PPARA: variants seen among roughly 807,000 people sequenced by gnomAD.
PPARA encodes peroxisome proliferator-activated receptor alpha.
PPARA carries 22 observed loss-of-function variants against 42.2 expected under a neutral mutation model. The observed-to-expected ratio is 0.52, with a 90% CI of 0.37 to 0.74. PPARA has a LOEUF of 0.74. Ranked by LOEUF, PPARA falls within the 30% of genes least tolerant of loss-of-function variation. The probability of loss-of-function intolerance (pLI) is 0.00; values close to 1 mark genes in which losing one functional copy is unlikely to be tolerated. For missense variants in PPARA, 465 were observed against 608.2 expected (o/e 0.76, Z 2.48); for synonymous variants, 242 against 239.3 (o/e 1.01, Z -0.10).
rs995687517 is a variant in PPARA at position 46,243,437 on chromosome 22, G to C, written c.*8057G>C. On this transcript the variant is annotated 3_prime_UTR_variant, in exon 9 of 9. Transcript: ENST00000407236. The surrounding 1 kb of genome is among the most constrained non-coding windows in gnomAD (Gnocchi z 5.0). ...TCCAACTTCATACCTCTCTCCTGGT[G>C]GGGGGAGCGGGCATCCAGGACCTCC... 8 of 152,068 alleles carry C rather than the reference G, an allele frequency of 5.3e-5. No homozygotes were observed. The highest frequency in any genetic ancestry group is 2.1e-4 in the South Asian group (1 of 4,832). The allele number at this position is 152,068 out of a possible 1,614,324, so 9.4% of individuals were successfully genotyped here.
rs535831767 is a variant in PPARA at position 46,176,574 on chromosome 22, AT to A, written c.-126-176del. ...CTCTGTATGGCTTCAATTCTTTTAAATTTGTTGAGGTTTGTTTAATGGTCAA... is the reference window on the plus strand; with the variant it reads ...CTCTGTATGGCTTCAATTCTTTTAAATTGTTGAGGTTTGTTTAATGGTCAA... On this transcript the variant is annotated intron_variant, in intron 2 of 8. Coordinates refer to ENST00000407236, the MANE Select transcript of PPARA (RefSeq NM_005036.6). 1.0e-3 allele frequency among the ~76,000 whole-genome samples: 157 copies of A among 152,274 alleles called. 1 individual carries two copies. The highest frequency in any genetic ancestry group is 3.6e-3 in the African/African-American group (150 of 41,556).
rs201855226 is a variant in PPARA, at chr22:46,208,946, CT to C, written c.209-6224del. ...TGTGTGTGTGTGTGTATCACATTTT[CT>C]TTATCTCTTCGTTCATTAATGATCA... On this transcript the variant is annotated intron_variant, in intron 4 of 8. Coordinates refer to ENST00000407236, the MANE Select transcript of PPARA (RefSeq NM_005036.6). Among the ~76,000 whole-genome samples the C allele has an allele frequency of 9.9e-3, 1,502 of 151,520 alleles. 22 individuals are homozygous for C. Among genetic ancestry groups the C allele is most frequent in the African/African-American group, 0.034 (1,420 of 41,304 alleles).
rs1342601415 is a variant in PPARA at position 46,222,181 on chromosome 22, C to T, written c.711+2167C>T. Among the ~76,000 whole-genome samples the T allele has an allele frequency of 6.6e-6, 1 of 152,090 alleles. No individual in the cohort carries two copies. Among genetic ancestry groups the T allele is most frequent in the African/African-American group, 2.4e-5 (1 of 41,418 alleles). On this transcript the variant is annotated intron_variant, in intron 7 of 8. Transcript: ENST00000407236. This position sits in a 1 kb window ranked among gnomAD's most constrained non-coding sequence, Gnocchi z 5.9. ...GGCAGCCAAATTGCCCCTCATGGTTCGTCCCCCACATCCCCGCCTGCCTGG... is the reference window on the plus strand; with the variant it reads ...GGCAGCCAAATTGCCCCTCATGGTTTGTCCCCCACATCCCCGCCTGCCTGG...
intron 3 of PPARA, among the ~76,000 whole-genome samples, chr22:46,197,633 G>A (rs1232529180): frequency 1.3e-5 from 2 of 152,076 alleles, no homozygotes; most frequent in Non-Finnish European, 2.9e-5. Context: ...CAGGCGCAGT[G>A]GCTCACACCT....
chr22:46,197,134 C>A (rs1216224006), intron 3 of PPARA, among the ~76,000 whole-genome samples: 1 of 151,928 alleles, frequency 6.6e-6, no homozygotes, highest in Non-Finnish European at 1.5e-5. Context: ...ACTGCAACCT[C>A]CACCTCCCAG....
rs907414539 is a variant in PPARA at position 46,233,350 on chromosome 22, G to C, written c.1159+1111G>C. Among the ~76,000 whole-genome samples the C allele has an allele frequency of 2.0e-5, 3 of 152,140 alleles. No homozygotes were observed. Among genetic ancestry groups the C allele is most frequent in the African/African-American group, 7.2e-5 (3 of 41,416 alleles). On this transcript the variant is annotated intron_variant, in intron 8 of 8. Coordinates refer to ENST00000407236, the MANE Select transcript of PPARA (RefSeq NM_005036.6). The surrounding 1 kb of genome is among the most constrained non-coding windows in gnomAD (Gnocchi z 7.3). ...CTCCACATTTTTGGCTCGGTGTCAC[G>C]TTCCTTTAAATAGCCCCATCTCAGG...
chr22:46,206,248 T>G (rs1933289677), intron 4 of PPARA, among the ~76,000 whole-genome samples: 1 of 151,280 alleles, frequency 6.6e-6, no homozygotes, highest in Non-Finnish European at 1.5e-5. Context: ...ATCAGAGGCA[T>G]GCACCACCAC....
chr22:46,154,012 CT>C (rs1226011174), intron 2 of PPARA, among the ~76,000 whole-genome samples: 2 of 152,142 alleles, frequency 1.3e-5, no homozygotes, highest in Non-Finnish European at 2.9e-5. Context: ...TTTGAAATGT[CT>C]ATATAATATC....
chr22:46,165,194 C>A lies in PPARA; in HGVS notation c.-126-11559C>A, dbSNP rs1358310713. On this transcript the variant is annotated intron_variant, in intron 2 of 8. Transcript: ENST00000407236. The surrounding 1 kb of genome is among the most constrained non-coding windows in gnomAD (Gnocchi z 5.5). ...GGGACTACAGGCGCCTGCCACCACACCTGGCTAATTTTTGTATTTTTAGTA... is the reference window on the plus strand; with the variant it reads ...GGGACTACAGGCGCCTGCCACCACAACTGGCTAATTTTTGTATTTTTAGTA... 1.3e-5 allele frequency: 2 copies of A among 152,206 alleles called. No homozygotes were observed. Among genetic ancestry groups the A allele is most frequent in the African/African-American group, 4.8e-5 (2 of 41,428 alleles). 9.4% of individuals were successfully genotyped at this position (152,206 alleles called of 1,614,324 possible).
rs901554756 is a variant in PPARA, at chr22:46,241,469, G to C, written c.*6089G>C. ...TACGCTATTTCTGTGAAATGCAGCA[G>C]GTTCTTAAACGTTATTTCAGTGGCA... is the stretch of plus-strand genomic sequence containing the variant. On this transcript the variant is annotated 3_prime_UTR_variant, in exon 9 of 9. Transcript: ENST00000407236. This position sits in a 1 kb window ranked among gnomAD's most constrained non-coding sequence, Gnocchi z 5.7. 1 of 152,176 alleles carries C rather than the reference G, an allele frequency of 6.6e-6. No homozygotes were observed. The highest frequency in any genetic ancestry group is 2.4e-5 in the African/African-American group (1 of 41,426). The allele number at this position is 152,176 out of a possible 1,614,324, so 9.4% of individuals were successfully genotyped here. A position where few individuals can be genotyped will look rare whatever the true frequency, so the allele number is the denominator to read the frequency against.
intron 7 of PPARA, among the ~76,000 whole-genome samples, chr22:46,226,496 A>G (rs2147654101): frequency 6.6e-6 from 1 of 152,326 alleles, no homozygotes; most frequent in East Asian, 1.9e-4. Flanking sequence ...TTATTTTTTC[A>G]AAGATTCTCC....
intron 3 of PPARA, among the ~76,000 whole-genome samples, chr22:46,198,133 G>C (rs540213692): frequency 8.2e-5 from 12 of 146,112 alleles, no homozygotes; most frequent in African/African-American, 3.0e-4. Flanking sequence ...AGCTACTCAG[G>C]AGACTGAGGC....
chr22:46,196,230 C>G lies in PPARA; in HGVS notation c.-42-2112C>G, dbSNP rs1244364320. Among the ~76,000 whole-genome samples the G allele has an allele frequency of 6.6e-6, 1 of 152,188 alleles. No individual in the cohort carries two copies. Among genetic ancestry groups the G allele is most frequent in the Non-Finnish European group, 1.5e-5 (1 of 68,046 alleles). On this transcript the variant is annotated intron_variant, in intron 3 of 8. Coordinates refer to ENST00000407236, the MANE Select transcript of PPARA (RefSeq NM_005036.6). This position sits in a 1 kb window ranked among gnomAD's most constrained non-coding sequence, Gnocchi z 5.6. ...AAGAACCGCTGCTTTGTCACTTATA[C>G]CCCTATGGAAATGCCGTTCGCTTTG...
In PPARA at chr22:46,242,747, A is replaced by G. The variant is rs1936409914; in HGVS notation, c.*7367A>G. The G allele has an allele frequency of 6.6e-6, 1 of 152,322 alleles. No homozygotes were observed. The highest frequency in any genetic ancestry group is 6.5e-5 in the Admixed American group (1 of 15,270). The allele number at this position is 152,322 out of a possible 1,614,324, so 9.4% of individuals were successfully genotyped here. ...CGTGTGCGTGCACACACACACACAC[A>G]CACACACACACACAGCTCTTCATTT... On this transcript the variant is annotated 3_prime_UTR_variant, in exon 9 of 9. Coordinates refer to ENST00000407236, the MANE Select transcript of PPARA (RefSeq NM_005036.6). This position sits in a 1 kb window ranked among gnomAD's most constrained non-coding sequence, Gnocchi z 6.1.
At chr22:46,217,066 C>T (rs1022870726) in intron 5 of PPARA, among the ~76,000 whole-genome samples, 5 of 152,194 alleles carry the variant, frequency 3.3e-5, no homozygotes, top group African/African-American at 1.2e-4. Context: ...GCCTGGGCCA[C>T]AGGGAGAACC....
At position 46,212,048 on chromosome 22, in the gene PPARA, C is replaced by CTCTCT. The variant is rs1029043646; in HGVS notation, c.209-3120_209-3116dup. 2.0e-5 allele frequency among the ~76,000 whole-genome samples: 3 copies of CTCTCT among 149,916 alleles called. No homozygotes were observed. The highest frequency in any genetic ancestry group is 7.4e-5 in the African/African-American group (3 of 40,620). The stretch of plus-strand genomic sequence containing the variant: ...TTTTCTTTCTTTCTCTTTCCCTCTC[C>CTCTCT]TCTCTTCTCCTCTCCTCTCCTTTGA... On this transcript the variant is annotated intron_variant, in intron 4 of 8. Transcript: ENST00000407236. The surrounding 1 kb of genome is among the most constrained non-coding windows in gnomAD (Gnocchi z 4.2).
rs577957045 is a variant in PPARA, at chr22:46,239,240, C to G, written c.*3860C>G. On this transcript the variant is annotated 3_prime_UTR_variant, in exon 9 of 9. Transcript: ENST00000407236. ...CTTCCTGGAGCGTTGTCTGGAGGTT[C>G]CAGGGACAGGGCAGCCTCCCAGAGC... The G allele has an allele frequency of 2.0e-5, 3 of 152,232 alleles. No individual in the cohort carries two copies. Among genetic ancestry groups the G allele is most frequent in the African/African-American group, 7.2e-5 (3 of 41,500 alleles). The allele number at this position is 152,232 out of a possible 1,614,324, so 9.4% of individuals were successfully genotyped here. A position where few individuals can be genotyped will look rare whatever the true frequency, so the allele number is the denominator to read the frequency against.
chr22:46,209,667 T>C (rs1933729504), intron 4 of PPARA, among the ~76,000 whole-genome samples: 1 of 152,238 alleles, frequency 6.6e-6, no homozygotes, highest in Non-Finnish European at 1.5e-5. Context: ...TTGGTTCTGT[T>C]TTCACCCATG....
intron 7 of PPARA, among the ~76,000 whole-genome samples, chr22:46,226,328 G>T (rs187867092): frequency 6.6e-6 from 1 of 152,196 alleles, no homozygotes; most frequent in Non-Finnish European, 1.5e-5. Flanking sequence ...GTGGTGTTCA[G>T]TTAAACAACC....
Sources: gnomAD v4.1 joint callset for allele counts (sites outside exome capture counted in the v4.1 genomes callset) on GRCh38, gnomAD v4.1.1 for gene constraint, Gnocchi (gnomAD v3.1) non-coding constraint, MANE v1.5 for transcripts, NCBI Gene and HGNC (gene_info 2026-07-23, HGNC 2026-07-21) for gene names.